Variants in AFG2A observed in about 807,000 individuals in gnomAD.
AFG2A encodes the protein ATPase family gene 2 protein homolog A.
At chr4:123,226,214 T>G in the AFG2A span, among the ~76,000 whole-genome samples, 2 of 152,030 alleles carry the variant, frequency 1.3e-5, no homozygotes, top group Non-Finnish European at 1.5e-5. Flanking sequence ...TCCTTCTCCT[T>G]CCTGATTGCC....
chr4:123,198,734 A>C, the AFG2A span, among the ~76,000 whole-genome samples: 1 of 152,204 alleles, frequency 6.6e-6, no homozygotes, highest in Non-Finnish European at 1.5e-5. Context: ...TTCCTGCCCT[A>C]GCCTTTCCTT....
At chr4:123,140,207 T>G in the AFG2A span, among the ~76,000 whole-genome samples, 3 of 152,102 alleles carry the variant, frequency 2.0e-5, no homozygotes, top group Non-Finnish European at 2.9e-5. Flanking sequence ...AATAAAGCTG[T>G]TGATACGGGA....
chr4:122,984,657 T>C, the AFG2A span, among the ~76,000 whole-genome samples: 2 of 152,224 alleles, frequency 1.3e-5, no homozygotes, highest in African/African-American at 2.4e-5. Flanking sequence ...GTTTTAATCA[T>C]AAAGGGATGC....
the AFG2A span, among the ~76,000 whole-genome samples, chr4:123,265,178 A>AT: frequency 1.3e-5 from 2 of 151,946 alleles, no homozygotes; most frequent in African/African-American, 4.8e-5. Context: ...AGGCCTAGTG[A>AT]TTTTTTTACC....
At chr4:122,925,576 C>T in the AFG2A span, among the ~76,000 whole-genome samples, 2 of 152,192 alleles carry the variant, frequency 1.3e-5, no homozygotes, top group African/African-American at 4.8e-5. Flanking sequence ...ATGCTGTCCT[C>T]TTTGCTGAGA....
chr4:123,004,561 C>G, the AFG2A span, among the ~76,000 whole-genome samples: 1 of 152,190 alleles, frequency 6.6e-6, no homozygotes, highest in Non-Finnish European at 1.5e-5. Context: ...TTGAATCAGT[C>G]TTGTAGTCCT....
the AFG2A span, among the ~76,000 whole-genome samples, chr4:123,310,527 C>T: frequency 1.7e-4 from 26 of 152,204 alleles, no homozygotes; most frequent in Non-Finnish European, 3.7e-4. Flanking sequence ...CTTCTCTCCA[C>T]ACTAAAGCCC....
the AFG2A span, among the ~76,000 whole-genome samples, chr4:122,978,499 A>G: frequency 6.6e-6 from 1 of 152,106 alleles, no homozygotes; most frequent in Admixed American, 6.5e-5. Flanking sequence ...AAAGCACCAT[A>G]AGTTCTTGGT....
chr4:123,097,893 G>A, the AFG2A span, among the ~76,000 whole-genome samples: 2 of 152,150 alleles, frequency 1.3e-5, no homozygotes, highest in Non-Finnish European at 1.5e-5. Flanking sequence ...TCTAAGAATA[G>A]TGTTTACATA....
At chr4:123,236,569 A>T in the AFG2A span, among the ~76,000 whole-genome samples, 1 of 152,240 alleles carries the variant, frequency 6.6e-6, no homozygotes, top group Non-Finnish European at 1.5e-5. Flanking sequence ...AATTAAAATG[A>T]CAAAAATAGT....
the AFG2A span, among the ~76,000 whole-genome samples, chr4:123,226,502 T>C: frequency 6.6e-6 from 1 of 152,228 alleles, no homozygotes; most frequent in South Asian, 2.1e-4. Context: ...GTTTATATGC[T>C]GGATTACATT....
At chr4:123,296,220 C>T in the AFG2A span, among the ~76,000 whole-genome samples, 1 of 151,156 alleles carries the variant, frequency 6.6e-6, no homozygotes, top group African/African-American at 2.4e-5. Flanking sequence ...GCCTCTAGAT[C>T]TTAATACAAG....
At chr4:123,079,908 C>T in the AFG2A span, among the ~76,000 whole-genome samples, 6 of 151,736 alleles carry the variant, frequency 4.0e-5, no homozygotes, top group African/African-American at 1.5e-4. Flanking sequence ...CACTACCACA[C>T]CCGGCTAATT....
At chr4:122,932,855 C>A in the AFG2A span, among the ~76,000 whole-genome samples, 1 of 152,124 alleles carries the variant, frequency 6.6e-6, no homozygotes, top group Admixed American at 6.5e-5. Context: ...ACTTAATTTT[C>A]TTGAAGAAAT....
At chr4:122,932,106 A>G in the AFG2A span, among the ~76,000 whole-genome samples, 1 of 151,796 alleles carries the variant, frequency 6.6e-6, no homozygotes, top group South Asian at 2.1e-4. Flanking sequence ...GCCTCTACAA[A>G]AAATATATAT....
chr4:123,023,815 A>G, the AFG2A span, among the ~76,000 whole-genome samples: 2 of 152,092 alleles, frequency 1.3e-5, no homozygotes, highest in African/African-American at 2.4e-5. Flanking sequence ...CCTGCACTGT[A>G]CGGCCTTCCT....
At chr4:123,217,057 T>A in the AFG2A span, among the ~76,000 whole-genome samples, 3 of 152,178 alleles carry the variant, frequency 2.0e-5, no homozygotes, top group Admixed American at 1.3e-4. Context: ...GAGAAAGCAA[T>A]GAAATTATTT....
the AFG2A span, among the ~76,000 whole-genome samples, chr4:123,105,671 G>A: frequency 2.0e-5 from 3 of 152,134 alleles, no homozygotes; most frequent in African/African-American, 7.2e-5. Context: ...GGATAATTTT[G>A]AGGGCTTCAA....
At chr4:123,107,331 A>T in the AFG2A span, among the ~76,000 whole-genome samples, 1 of 152,200 alleles carries the variant, frequency 6.6e-6, no homozygotes, top group East Asian at 1.9e-4. Flanking sequence ...GAGGGTGAGC[A>T]AGGTGGAAAG....
Sources: allele counts gnomAD v4.1 joint callset (sites outside exome capture counted in the v4.1 genomes callset), GRCh38; gene constraint gnomAD v4.1.1; transcripts MANE v1.5; gene names NCBI Gene and HGNC (gene_info 2026-07-23, HGNC 2026-07-21).